The following PLEKHM1 variants were observed in gnomAD, a reference collection of about 807,000 sequenced individuals.
PLEKHM1 encodes pleckstrin homology domain-containing family M member 1.
Under a neutral mutation model 94.3 loss-of-function variants are expected in PLEKHM1, and 28 were observed. That is an observed-to-expected ratio of 0.30 (90% confidence interval 0.22 to 0.41). The LOEUF is 0.41. Among genes scored for constraint, PLEKHM1 ranks in the 10% least tolerant of loss-of-function variants. PLEKHM1 has a pLI of 1.00. For synonymous variants in PLEKHM1, 424 were observed against 581.2 expected, an observed-to-expected ratio of 0.73 and a Z score of 3.89; for missense variants, 907 against 1,358.6, an observed-to-expected ratio of 0.67 and a Z score of 5.22.
intron 4 of PLEKHM1, among the ~76,000 whole-genome samples, chr17:45,474,734 C>T (rs1442631214): frequency 6.6e-6 from 1 of 152,122 alleles, no homozygotes; most frequent in Non-Finnish European, 1.5e-5. Flanking sequence ...GATCTTGCTA[C>T]ATTGCCCAGG....
chr17:45,481,477 T>C (rs2051949072), intron 2 of PLEKHM1, among the ~76,000 whole-genome samples: 1 of 150,080 alleles, frequency 6.7e-6, no homozygotes, highest in Non-Finnish European at 1.5e-5. Flanking sequence ...AGTACATACA[T>C]ACTTCGTTCA....
intron 7 of PLEKHM1, chr17:45,452,943 C>T (rs1460765509): frequency 4.7e-5 from 16 of 338,400 alleles, no homozygotes; most frequent in Admixed American, 3.4e-4. Flanking sequence ...CTGAATAGCA[C>T]GAGCCCATTT....
chr17:45,452,690 G>C (rs1466640183), intron 7 of PLEKHM1, among the ~76,000 whole-genome samples: 1 of 152,066 alleles, frequency 6.6e-6, no homozygotes, highest in Non-Finnish European at 1.5e-5. Context: ...GTACTGACTT[G>C]GAATAACATC....
At chr17:45,474,489 T>C (rs1330494985) in intron 4 of PLEKHM1, among the ~76,000 whole-genome samples, 1 of 152,180 alleles carries the variant, frequency 6.6e-6, no homozygotes, top group Non-Finnish European at 1.5e-5. Context: ...CATGCAGCAC[T>C]CAGGTCCTGT....
rs1207827519 is a variant in PLEKHM1, at chr17:45,453,911, G to A, written c.1941C>T (p.Pro647=). 6.2e-7 allele frequency: 1 copy of A among 1,613,798 alleles called. No homozygotes were observed. Among genetic ancestry groups the A allele is most frequent in the South Asian group, 1.1e-5 (1 of 91,060 alleles). The change falls in exon 7 of 12, where the codon CCC becomes CCT. Residue 647 remains proline, a synonymous_variant. Coordinates refer to ENST00000430334, the MANE Select transcript of PLEKHM1 (RefSeq NM_014798.3). The surrounding 1 kb of genome is among the most constrained non-coding windows in gnomAD (Gnocchi z 4.1). The part of the protein sequence containing the change: ...NVQYPDQPEE[P]PEAPQGCLSP... ...AGAGGCAGCCCTGGGGCGCCTCGGG[G>A]GGTTCCTCAGGCTGGTCTGGGTACT...
At position 45,437,013 on chromosome 17, in the gene PLEKHM1, G is replaced by C; in HGVS notation, c.*845C>G. On this transcript the variant is annotated 3_prime_UTR_variant, in exon 12 of 12. Transcript: ENST00000430334. This position sits in a 1 kb window ranked among gnomAD's most constrained non-coding sequence, Gnocchi z 4.0. ...AGGGGTGAGGAGCGCACGGGGATCG[G>C]GGGTGGGCAAGACGGCGACCCTCCA... is the stretch of plus-strand genomic sequence containing the variant. 1 of 454,298 alleles carries C rather than the reference G, an allele frequency of 2.2e-6. No homozygotes were observed. Among genetic ancestry groups the C allele is most frequent in the Non-Finnish European group, 4.4e-6 (1 of 226,646 alleles). The allele number at this position is 454,298 out of a possible 1,614,324, so 28.1% of individuals were successfully genotyped here.
chr17:45,485,890 G>A (rs1490766092), intron 1 of PLEKHM1, among the ~76,000 whole-genome samples: 2 of 151,430 alleles, frequency 1.3e-5, no homozygotes, highest in Non-Finnish European at 2.9e-5. Context: ...CTGCACTCCA[G>A]CCGGGGCAGC....
chr17:45,488,933 C>T (rs549673818), intron 1 of PLEKHM1, among the ~76,000 whole-genome samples: 3 of 152,020 alleles, frequency 2.0e-5, no homozygotes, highest in Non-Finnish European at 4.4e-5. Flanking sequence ...GAGTAAACTC[C>T]GTCGAAAAAA....
intron 6 of PLEKHM1, chr17:45,454,717 A>G (rs1361480012): frequency 1.7e-5 from 5 of 302,480 alleles, no homozygotes; most frequent in Non-Finnish European, 3.2e-5. Context: ...CCATCGGCAC[A>G]CATGCACGCT....
At chr17:45,456,645 G>A (rs1313760179) in intron 6 of PLEKHM1, among the ~76,000 whole-genome samples, 3 of 152,202 alleles carry the variant, frequency 2.0e-5, no homozygotes, top group Non-Finnish European at 4.4e-5. Flanking sequence ...CCCGGAGACC[G>A]GGCTCTACCC....
At position 45,462,010 on chromosome 17, in the gene PLEKHM1, T is replaced by A. The variant is rs539044653; in HGVS notation, c.1309-3571A>T. Among the ~76,000 whole-genome samples, 178 of 152,328 alleles carry A rather than the reference T, an allele frequency of 1.2e-3. 1 individual carries two copies. The highest frequency in any genetic ancestry group is 9.7e-3 in the South Asian group (47 of 4,826). On this transcript the variant is annotated intron_variant, in intron 5 of 11. Coordinates refer to ENST00000430334, the MANE Select transcript of PLEKHM1 (RefSeq NM_014798.3). The stretch of plus-strand genomic sequence containing the variant: ...ACACAAGCAGTGGGACCAGCCCCAC[T>A]GTTTTGTTAAGTGCCACTAACCTCA...
rs184954770 is a variant in PLEKHM1, at chr17:45,478,777, G to A, written c.49-630C>T. ...GTCCAGGAGTTCAAGGCTGCAGTGA[G>A]CTGTGATCACACCACTGTACTCCAG... On this transcript the variant is annotated intron_variant, in intron 2 of 11. Transcript: ENST00000430334. 6.6e-3 allele frequency among the ~76,000 whole-genome samples: 1,003 copies of A among 151,912 alleles called. 10 individuals are homozygous for A. The highest frequency in any genetic ancestry group is 0.021 in the Middle Eastern group (6 of 292).
intron 1 of PLEKHM1, among the ~76,000 whole-genome samples, chr17:45,482,766 A>G (rs1038890090): frequency 5.3e-5 from 8 of 152,242 alleles, no homozygotes; most frequent in African/African-American, 1.9e-4. Context: ...GTCCACCCCA[A>G]GGAGTAGGTG....
At chr17:45,448,593 G>A (rs2050681177) in intron 8 of PLEKHM1, among the ~76,000 whole-genome samples, 1 of 152,202 alleles carries the variant, frequency 6.6e-6, no homozygotes, top group Non-Finnish European at 1.5e-5. Context: ...ATGGGTGGAT[G>A]GGTGGGTGAA....
In PLEKHM1 at chr17:45,436,199, G is replaced by A. The variant is rs1397765410; in HGVS notation, c.*1659C>T. 4.4e-6 allele frequency: 2 copies of A among 454,398 alleles called. No individual in the cohort carries two copies. The highest frequency in any genetic ancestry group is 8.8e-6 in the Non-Finnish European group (2 of 226,806). The allele number at this position is 454,398 out of a possible 1,614,324, so 28.1% of individuals were successfully genotyped here. A position where few individuals can be genotyped will look rare whatever the true frequency, so the allele number is the denominator to read the frequency against. On this transcript the variant is annotated 3_prime_UTR_variant, in exon 12 of 12. Transcript: ENST00000430334. ...CCTCACAGGCCCAAGCCCTCCCCAG[G>A]CCAGGCTCCTGCCCACTCAGGGATG...
intron 2 of PLEKHM1, among the ~76,000 whole-genome samples, chr17:45,479,344 C>G (rs1308887614): frequency 1.3e-5 from 2 of 151,906 alleles, no homozygotes; most frequent in Non-Finnish European, 2.9e-5. Context: ...AGGCTGAAAC[C>G]CCATCTCTAC....
intron 2 of PLEKHM1, among the ~76,000 whole-genome samples, chr17:45,479,517 C>CAA (rs55781182): frequency 2.4e-4 from 21 of 86,330 alleles, no homozygotes; most frequent in African/African-American, 5.4e-4. Context: ...GACTCCGCCT[C>CAA]AAAAAAAAAA....
In PLEKHM1 at chr17:45,445,881, C is replaced by T. The variant is rs1039706141; in HGVS notation, c.2644-218G>A. The stretch of plus-strand genomic sequence containing the variant: ...AACCCAGTTTATCTGACTCCCAAAC[C>T]CGCTCTCCCTCTAATGACAAGGGTC... On this transcript the variant is annotated intron_variant, in intron 8 of 11. Coordinates refer to ENST00000430334, the MANE Select transcript of PLEKHM1 (RefSeq NM_014798.3). This position sits in a 1 kb window ranked among gnomAD's most constrained non-coding sequence, Gnocchi z 4.2. 1.2e-4 allele frequency among the ~76,000 whole-genome samples: 18 copies of T among 152,188 alleles called. No homozygotes were observed. The highest frequency in any genetic ancestry group is 4.3e-4 in the African/African-American group (18 of 41,440).
intron 6 of PLEKHM1, among the ~76,000 whole-genome samples, chr17:45,455,371 C>T (rs1172007143): frequency 1.3e-5 from 2 of 152,096 alleles, no homozygotes; most frequent in South Asian, 4.2e-4. Flanking sequence ...GGGTCCTTGT[C>T]TCCTCTCTGT....
Sources: allele counts gnomAD v4.1 joint callset (sites outside exome capture counted in the v4.1 genomes callset), GRCh38; gene constraint gnomAD v4.1.1; non-coding constraint Gnocchi (gnomAD v3.1); transcripts MANE v1.5; gene names NCBI Gene and HGNC (gene_info 2026-07-23, HGNC 2026-07-21).